COPG1: variants seen among roughly 807,000 people sequenced by gnomAD.
COPG1 encodes the protein coatomer subunit gamma-1.
In COPG1, 29 loss-of-function variants were observed where a neutral mutation model predicts 102.8. The ratio of observed to expected loss-of-function variants is 0.28; its 90% CI spans 0.21 to 0.38. The LOEUF is 0.38. Ranked by LOEUF, COPG1 falls within the 10% of genes least tolerant of loss-of-function variation. The pLI, the probability that COPG1 is intolerant of heterozygous loss-of-function variation, is 1.00. For synonymous variants in COPG1, 406 were observed against 421.6 expected (o/e 0.96, Z 0.45); for missense variants, 875 against 1,132.7 (o/e 0.77, Z 3.27).
chr3:129,257,555 G>A lies in COPG1; in HGVS notation c.665G>A (p.Gly222Asp). The part of the protein sequence containing the change: ...NKMISKVTRH[G>D]LKSPFAYCMM... Reference sequence around the variant, plus strand: ...ATGATCAGCAAGGTCACACGGCATGGCCTTAAGTCTCCCTTTGCCTACTGC... The same window carrying A: ...ATGATCAGCAAGGTCACACGGCATGACCTTAAGTCTCCCTTTGCCTACTGC... Residue 222 changes from glycine (G) to aspartate (D), a missense_variant, in exon 9 of 24, where the codon GGC becomes GAC. Physicochemically the swap from Gly to Asp is moderately conservative, Grantham distance 94. Transcript: ENST00000314797. 6.2e-7 allele frequency: 1 copy of A among 1,614,230 alleles called. No individual in the cohort carries two copies. Among genetic ancestry groups the A allele is most frequent in the Non-Finnish European group, 8.5e-7 (1 of 1,180,054 alleles).
At chr3:129,259,200 C>T (rs535986353) in intron 10 of COPG1, among the ~76,000 whole-genome samples, 36 of 152,278 alleles carry the variant, frequency 2.4e-4, no homozygotes, top group African/African-American at 6.5e-4. Context: ...CGGTGGCTCA[C>T]GCCTGTAATC....
chr3:129,257,741 T>C lies in COPG1; in HGVS notation c.752T>C (p.Leu251Pro). 6.2e-7 allele frequency: 1 copy of C among 1,614,108 alleles called. No homozygotes were observed. Among genetic ancestry groups the C allele is most frequent in the Admixed American group, 1.7e-5 (1 of 60,024 alleles). Residue 251 changes from leucine to proline, a missense_variant, in exon 10 of 24, where the codon CTG becomes CCG. Leu to Pro is a moderately conservative substitution (Grantham distance 98). Transcript: ENST00000314797. ...TTCTTTTGTAGCCGTGACAGCCCAC[T>C]GTTTGACTTCATCGAGAGCTGCTTG... ...EEEDGSRDSP[L>P]FDFIESCLRN...
chr3:129,274,197 AAG>A (rs911064921), intron 21 of COPG1: 93 of 429,848 alleles, frequency 2.2e-4, no homozygotes, highest in African/African-American at 1.6e-3. Flanking sequence ...AAAAAAAAAA[AAG>A]AGAGAGAGAG....
In COPG1 at chr3:129,252,302, C is replaced by G; in HGVS notation, c.112C>G (p.Pro38Ala). The G allele has an allele frequency of 6.2e-7, 1 of 1,612,092 alleles. No homozygotes were observed. The highest frequency in any genetic ancestry group is 8.5e-7 in the Non-Finnish European group (1 of 1,178,228). The change falls in exon 3 of 24, where the codon CCC (proline) becomes GCC (alanine). Residue 38 changes from proline (P) to alanine (A), a missense_variant. Physicochemically the swap from Pro to Ala is conservative, Grantham distance 27. Coordinates refer to ENST00000314797, the MANE Select transcript of COPG1 (RefSeq NM_016128.4). ...TTAGGCCCGTGTATTTAATGAAACT[C>G]CCATCAACCCTCGGAAATGTGCCCA... ...LQEARVFNET[P>A]INPRKCAHIL...
chr3:129,252,254 GT>G, intron 2 of COPG1, 26 bp from the exon 3 acceptor site: 1 of 1,496,658 alleles, frequency 6.7e-7, no homozygotes, highest in Non-Finnish European at 9.3e-7. Context: ...AGGCTAGAAG[GT>G]AACATCTTTG....
At chr3:129,250,614 T>C in intron 1 of COPG1, 68 bp from the exon 2 acceptor site, 1 of 1,272,436 alleles carries the variant, frequency 7.9e-7, no homozygotes, top group East Asian at 2.3e-5. Flanking sequence ...ATCTTCCCTT[T>C]ACCTATGTCT....
chr3:129,275,135 T>C lies in COPG1; in HGVS notation c.2396-59T>C. The C allele has an allele frequency of 6.6e-7, 1 of 1,526,538 alleles. No individual in the cohort carries two copies. The highest frequency in any genetic ancestry group is 1.1e-5 in the South Asian group (1 of 88,828). 94.6% of individuals were successfully genotyped at this position (1,526,538 alleles called of 1,614,324 possible). A position where few individuals can be genotyped will look rare whatever the true frequency, so the allele number is the denominator to read the frequency against. ...AAAAGCCCTTCAGAACATGGGGGAG[T>C]GGTGGTGGCACAAAGGGCAGATAAG... On this transcript the variant is annotated intron_variant, in intron 22 of 23. Coordinates refer to ENST00000314797, the MANE Select transcript of COPG1 (RefSeq NM_016128.4). The surrounding 1 kb of genome is among the most constrained non-coding windows in gnomAD (Gnocchi z 5.0).
intron 10 of COPG1, among the ~76,000 whole-genome samples, chr3:129,258,585 G>A (rs1939862655): frequency 6.6e-6 from 1 of 152,180 alleles, no homozygotes; most frequent in Non-Finnish European, 1.5e-5. Flanking sequence ...AGCCTCCCGA[G>A]TAGCTGGGAC....
chr3:129,272,110 G>A (rs1411684358), intron 19 of COPG1, 134 bp from the exon 20 acceptor site: 1 of 1,035,688 alleles, frequency 9.7e-7, no homozygotes, highest in Non-Finnish European at 1.4e-6. Flanking sequence ...CATGAAGACA[G>A]GGAACCTGGG....
rs1198457105 is a variant in COPG1, at chr3:129,277,488, A to C, written c.*64A>C. On this transcript the variant is annotated 3_prime_UTR_variant, in exon 24 of 24. Coordinates refer to ENST00000314797, the MANE Select transcript of COPG1 (RefSeq NM_016128.4). ...ACTACCTGGAAGTTGTGCCTTCCTC[A>C]TGAAACTGGCAGAAACCCCTTCCCA... 6.5e-7 allele frequency: 1 copy of C among 1,544,208 alleles called. No individual in the cohort carries two copies. The highest frequency in any genetic ancestry group is 1.4e-5 in the African/African-American group (1 of 73,582).
chr3:129,257,473 C>T lies in COPG1; in HGVS notation c.583C>T (p.His195Tyr). 6.2e-7 allele frequency: 1 copy of T among 1,614,116 alleles called. No individual in the cohort carries two copies. Among genetic ancestry groups the T allele is most frequent in the Non-Finnish European group, 8.5e-7 (1 of 1,180,006 alleles). The change falls in exon 9 of 24, where the codon CAC becomes TAC. Residue 195 changes from histidine to tyrosine, a missense_variant. Transcript: ENST00000314797. Reference protein sequence around the residue: ...ASSDNIMVQYHALGLLYHVRK... With the variant: ...ASSDNIMVQYYALGLLYHVRK... ...GTTGCTGTCTCCTGTCCTATAGTAC[C>T]ACGCACTAGGGCTCCTGTACCATGT...
chr3:129,253,736 G>GACTGCGATGTATC (rs1939744637), intron 5 of COPG1, among the ~76,000 whole-genome samples: 1 of 152,172 alleles, frequency 6.6e-6, no homozygotes, highest in East Asian at 1.9e-4. Flanking sequence ...TGTAATCCCA[G>GACTGCGATGTATC]CACTGTATCC....
chr3:129,251,485 C>T (rs1435560837), intron 2 of COPG1, among the ~76,000 whole-genome samples: 1 of 151,524 alleles, frequency 6.6e-6, no homozygotes, highest in Non-Finnish European at 1.5e-5. Context: ...TGGGTTCAAG[C>T]AATTTTTCTG....
At chr3:129,270,358 G>T (rs1940161139) in intron 18 of COPG1, among the ~76,000 whole-genome samples, 1 of 152,028 alleles carries the variant, frequency 6.6e-6, no homozygotes, top group Non-Finnish European at 1.5e-5. Context: ...TCAGTTCCAA[G>T]AACTTTCCTA....
chr3:129,277,771 G>T lies in COPG1; in HGVS notation c.*347G>T. ...TGTAATAAATCAGCATGTATTTATT[G>T]AATGATTGCTACTTCTGCAGACTCA... On this transcript the variant is annotated 3_prime_UTR_variant, in exon 24 of 24. Transcript: ENST00000314797. 1 of 246,354 alleles carries T rather than the reference G, an allele frequency of 4.1e-6. No homozygotes were observed. Among genetic ancestry groups the T allele is most frequent in the Non-Finnish European group, 8.2e-6 (1 of 122,358 alleles). 15.3% of individuals were successfully genotyped at this position (246,354 alleles called of 1,614,324 possible).
Position 129,268,538 on chromosome 3 carries a change from G to A in COPG1, c.1692G>A (p.Gln564=). ...SIPGLERALQ[Q]YTLEPSEKPF... ...CTGGTCTGGAGAGGGCTCTGCAGCA[G>A]TACACTCTAGAACCATCAGAAAAAC... Residue 564 remains glutamine, a synonymous_variant, in exon 17 of 24, where the codon CAG becomes CAA. Coordinates refer to ENST00000314797, the MANE Select transcript of COPG1 (RefSeq NM_016128.4). The A allele has an allele frequency of 1.2e-6, 2 of 1,614,190 alleles. No individual in the cohort carries two copies. The highest frequency in any genetic ancestry group is 2.2e-5 in the East Asian group (1 of 44,882).
Position 129,264,023 on chromosome 3 carries a change from G to A in COPG1, c.1224+24G>A, listed in dbSNP as rs1191194632. On this transcript the variant is annotated intron_variant, in intron 13 of 23. Transcript: ENST00000314797. ...AGGTAAGAGTCAGGGGCATTCGGGG[G>A]ATGCCAGGTCTCCTGGTGCAGGGAG... The A allele has an allele frequency of 4.4e-6, 7 of 1,578,822 alleles. No individual in the cohort carries two copies. In the East Asian group the frequency reaches 6.7e-5, roughly 15 times the overall value.
Position 129,254,823 on chromosome 3 carries a change from C to A in COPG1, c.399+80C>A. ...TCATCTTTTGCATTCTTTGGGGTGT[C>A]CCCTATCACTGAGCCAGGTGATGTG... On this transcript the variant is annotated intron_variant, in intron 6 of 23. Transcript: ENST00000314797. 3.7e-6 allele frequency: 5 copies of A among 1,369,672 alleles called. No homozygotes were observed. In the Middle Eastern group the frequency reaches 5.5e-4, roughly 151 times the overall value. 84.8% of individuals were successfully genotyped at this position (1,369,672 alleles called of 1,614,324 possible).
At chr3:129,274,085 G>T (rs1311002691) in intron 21 of COPG1, 3 of 455,934 alleles carry the variant, frequency 6.6e-6, no homozygotes, top group Non-Finnish European at 1.3e-5. Flanking sequence ...AGGATGGATG[G>T]ACCTTCCTTG....
Sources: allele counts gnomAD v4.1 joint callset (sites outside exome capture counted in the v4.1 genomes callset), GRCh38; gene constraint gnomAD v4.1.1; non-coding constraint Gnocchi (gnomAD v3.1); transcripts MANE v1.5; gene names NCBI Gene and HGNC (gene_info 2026-07-23, HGNC 2026-07-21).